Variants in STKLD1 observed in about 807,000 individuals in gnomAD.
STKLD1 encodes the protein serine/threonine kinase like domain containing 1.
A neutral mutation model predicts 80.4 loss-of-function variants in STKLD1; 79 were observed. The ratio of observed to expected loss-of-function variants is 0.98; its 90% CI spans 0.82 to 1.19. The LOEUF is 1.19. Ranked by LOEUF, STKLD1 falls within the 50% of genes most tolerant of loss-of-function variation. The pLI is 0.00. For missense variants in STKLD1, 841 were observed against 856.0 expected, an observed-to-expected ratio of 0.98 and a Z score of 0.22; for synonymous variants, 393 against 357.6, an observed-to-expected ratio of 1.10 and a Z score of -1.12.
At chr9:133,405,090 G>A (rs962157099) in intron 17 of STKLD1, among the ~76,000 whole-genome samples, 161 bp downstream of exon 17, 2 of 152,230 alleles carry the variant, frequency 1.3e-5, no homozygotes, top group East Asian at 1.9e-4. Context: ...GAGCACCAGG[G>A]GTTGTCCTGG....
intron 5 of STKLD1, among the ~76,000 whole-genome samples, chr9:133,388,527 G>T (rs1230314681): frequency 6.6e-6 from 1 of 152,166 alleles, no homozygotes; most frequent in African/African-American, 2.4e-5. Flanking sequence ...GATTACAGAT[G>T]TGAGCCGCCG....
Position 133,405,502 on chromosome 9 carries a change from A to G in STKLD1, c.*81A>G. ...CCTGCCTGCCTATTATCCCATCTCT[A>G]TGACTGGGCCAAAATCAATCTTAAA... On this transcript the variant is annotated 3_prime_UTR_variant, in exon 18 of 18. Transcript: ENST00000371957. 1 of 1,401,574 alleles carries G rather than the reference A, an allele frequency of 7.1e-7. No individual in the cohort carries two copies. The highest frequency in any genetic ancestry group is 2.4e-5 in the East Asian group (1 of 41,136). 86.8% of individuals were successfully genotyped at this position (1,401,574 alleles called of 1,614,324 possible). A position where few individuals can be genotyped will look rare whatever the true frequency, so the allele number is the denominator to read the frequency against.
chr9:133,397,909 G>C, intron 10 of STKLD1, 63 bp from the exon 11 acceptor site: 1 of 1,427,812 alleles, frequency 7.0e-7, no homozygotes. Context: ...GTGGTGCCGA[G>C]AAACAGAGCC....
At chr9:133,379,451 G>A (rs1838081981) in intron 2 of STKLD1, among the ~76,000 whole-genome samples, 2 of 152,374 alleles carry the variant, frequency 1.3e-5, no homozygotes, top group Middle Eastern at 3.4e-3. Flanking sequence ...CAAAGACAGT[G>A]AGGCTCAATG....
At chr9:133,387,596 C>A in intron 5 of STKLD1, 48 bp downstream of exon 5, 1 of 1,484,618 alleles carries the variant, frequency 6.7e-7, no homozygotes, top group South Asian at 1.1e-5. Flanking sequence ...AGACCTGTGA[C>A]ACAGGCCCTG....
intron 3 of STKLD1, 67 bp downstream of exon 3, chr9:133,383,967 C>A: frequency 6.8e-7 from 1 of 1,463,944 alleles, no homozygotes; most frequent in Non-Finnish European, 9.6e-7. Flanking sequence ...TGTTCTGTAC[C>A]TTCTTGTTGA....
chr9:133,376,821 A>G (rs1363073133), intron 1 of STKLD1, among the ~76,000 whole-genome samples: 2 of 152,106 alleles, frequency 1.3e-5, no homozygotes, highest in Non-Finnish European at 2.9e-5. Flanking sequence ...CAGCTCCTCT[A>G]TCCTTCGTGC....
intron 11 of STKLD1, among the ~76,000 whole-genome samples, chr9:133,398,842 TG>T (rs1554777111): frequency 2.0e-5 from 3 of 151,870 alleles, no homozygotes; most frequent in African/African-American, 7.2e-5. Context: ...AGTTTTTTTT[TG>T]TTTTTGTTTG....
intron 8 of STKLD1, 112 bp from the exon 9 acceptor site, chr9:133,395,488 C>T (rs1318383831): frequency 8.3e-7 from 1 of 1,200,564 alleles, no homozygotes; most frequent in South Asian, 1.6e-5. Flanking sequence ...CCACACCTGG[C>T]TCTCCCTGGT....
In STKLD1 at chr9:133,389,623, ACTGG is replaced by A; in HGVS notation, c.467+35_467+38del. 6 of 1,612,628 alleles carry A rather than the reference ACTGG, an allele frequency of 3.7e-6. No homozygotes were observed. Among genetic ancestry groups the A allele is most frequent in the Non-Finnish European group, 5.1e-6 (6 of 1,179,546 alleles). On this transcript the variant is annotated intron_variant, in intron 6 of 17. Coordinates refer to ENST00000371957, the MANE Select transcript of STKLD1 (RefSeq NM_153710.5). The surrounding 1 kb of genome is among the most constrained non-coding windows in gnomAD (Gnocchi z 6.4). ...TAAGTGGGGCCCCTGACCTCTGCGG[ACTGG>A]CTGGCTGCTTCGGGAGAAAAGGCAC...
chr9:133,388,004 C>T (rs1015676065), intron 5 of STKLD1, among the ~76,000 whole-genome samples: 21 of 152,202 alleles, frequency 1.4e-4, no homozygotes, highest in African/African-American at 5.1e-4. Context: ...TACCTAGTCT[C>T]ATTTGGGCTG....
In STKLD1 at chr9:133,379,066, G is replaced by T. The variant is rs2130259532; in HGVS notation, c.118G>T (p.Gly40Trp). 3 of 1,613,926 alleles carry T rather than the reference G, an allele frequency of 1.9e-6. No homozygotes were observed. The highest frequency in any genetic ancestry group is 2.5e-6 in the Non-Finnish European group (3 of 1,179,938). Reference sequence around the variant, plus strand: ...GTACCAGCTGAATCCTGGGGCCTTGGGGGTGAACCTGGTGGTGGAGGAAAT... The same window carrying T: ...GTACCAGCTGAATCCTGGGGCCTTGTGGGTGAACCTGGTGGTGGAGGAAAT... Reference protein sequence around the residue: ...VLYQLNPGALGVNLVVEEMET... With the variant: ...VLYQLNPGALWVNLVVEEMET... The change falls in exon 2 of 18, where the codon GGG (glycine) becomes TGG (tryptophan). Residue 40 changes from glycine to tryptophan, a missense_variant. Physicochemically the swap from Gly to Trp is radical, Grantham distance 184 (BLOSUM62 -2). Transcript: ENST00000371957.
chr9:133,402,189 C>G (rs28721280), intron 13 of STKLD1, among the ~76,000 whole-genome samples: 17,901 of 152,188 alleles, frequency 0.12, 1,383 homozygotes, highest in African/African-American at 0.22. Context: ...GAGGCTGGGG[C>G]TCAAATGCCC....
In STKLD1 at chr9:133,401,892, C is replaced by T; in HGVS notation, c.1339+14C>T. The T allele has an allele frequency of 1.9e-5, 30 of 1,611,960 alleles. No homozygotes were observed. Among genetic ancestry groups the T allele is most frequent in the Non-Finnish European group, 2.5e-5 (30 of 1,179,708 alleles). On this transcript the variant is annotated intron_variant, in intron 13 of 17. Transcript: ENST00000371957. ...CCACAACCCAGGGTGTGTCTGCCAG[C>T]CACCTCCTGCCCCACCCACGCTCCA...
At chr9:133,395,881 C>T (rs1838548398) in intron 9 of STKLD1, 118 bp downstream of exon 9, 5 of 999,718 alleles carry the variant, frequency 5.0e-6, no homozygotes, top group Non-Finnish European at 5.9e-6. Context: ...ATCACAGATG[C>T]CCTGATTATC....
intron 1 of STKLD1, among the ~76,000 whole-genome samples, 198 bp from the exon 2 acceptor site, chr9:133,378,838 G>A (rs2130258716): frequency 7.3e-4 from 111 of 152,356 alleles, no homozygotes; most frequent in African/African-American, 2.3e-3. Flanking sequence ...GCCCCAAATA[G>A]GTGAGATCAG....
chr9:133,401,791 A>G lies in STKLD1; in HGVS notation c.1252A>G (p.Thr418Ala). 6.2e-7 allele frequency: 1 copy of G among 1,612,928 alleles called. No homozygotes were observed. The change falls in exon 13 of 18, where the codon ACC (threonine) becomes GCC (alanine). Residue 418 changes from threonine (T) to alanine (A), a missense_variant. Transcript: ENST00000371957. Reference protein sequence around the residue: ...KAPCNQAITSTLLSALQSHPE... With the variant: ...KAPCNQAITSALLSALQSHPE... ...TCCCTGCAACCAAGCCATCACCTCC[A>G]CCCTGCTGAGTGCTCTTCAGAGCCA... is the stretch of plus-strand genomic sequence containing the variant.
chr9:133,405,509 G>T lies in STKLD1; in HGVS notation c.*88G>T. 7.3e-7 allele frequency: 1 copy of T among 1,362,472 alleles called. No homozygotes were observed. Among genetic ancestry groups the T allele is most frequent in the Non-Finnish European group, 9.8e-7 (1 of 1,019,320 alleles). 84.4% of individuals were successfully genotyped at this position (1,362,472 alleles called of 1,614,324 possible). On this transcript the variant is annotated 3_prime_UTR_variant, in exon 18 of 18. Coordinates refer to ENST00000371957, the MANE Select transcript of STKLD1 (RefSeq NM_153710.5). ...GCCTATTATCCCATCTCTATGACTGGGCCAAAATCAATCTTAAACGGGAGG... is the reference window on the plus strand; with the variant it reads ...GCCTATTATCCCATCTCTATGACTGTGCCAAAATCAATCTTAAACGGGAGG...
rs782767607 is a variant in STKLD1 at position 133,395,623 on chromosome 9, G to C, written c.726G>C (p.Arg242=). The change falls in exon 9 of 18, where the codon CGG becomes CGC. Residue 242 remains arginine (R), a synonymous_variant. Transcript: ENST00000371957. ...FMDGTEAMHL[R]KSLRQSPGSL... Reference sequence around the variant, plus strand: ...AGGGCACAGAAGCCATGCATCTGCGGAAGTCCCTCCGCCAGAGCCCAGGCA... The same window carrying C: ...AGGGCACAGAAGCCATGCATCTGCGCAAGTCCCTCCGCCAGAGCCCAGGCA... 7 of 1,612,964 alleles carry C rather than the reference G, an allele frequency of 4.3e-6. No individual in the cohort carries two copies. The highest frequency in any genetic ancestry group is 1.3e-5 in the African/African-American group (1 of 74,894).
Sources: allele counts gnomAD v4.1 joint callset (sites outside exome capture counted in the v4.1 genomes callset), GRCh38; gene constraint gnomAD v4.1.1; non-coding constraint Gnocchi (gnomAD v3.1); transcripts MANE v1.5; gene names NCBI Gene and HGNC (gene_info 2026-07-23, HGNC 2026-07-21).